Variants in NIT2 observed in about 807,000 individuals in gnomAD.
NIT2 encodes omega-amidase NIT2.
A neutral mutation model predicts 42.7 loss-of-function variants in NIT2; 46 were observed. That is an observed-to-expected ratio of 1.08 (90% CI 0.85 to 1.38). The LOEUF (loss-of-function observed/expected upper bound fraction) is 1.38, where lower values mean the gene tolerates loss of function less well. NIT2 is among the 40% of genes most tolerant of loss of function. NIT2 has a pLI of 0.00. For missense variants in NIT2, 309 were observed against 342.5 expected (o/e 0.90, Z 0.77); for synonymous variants, 123 against 121.9 (o/e 1.01, Z -0.06).
Position 100,361,499 on chromosome 3 carries a change from C to G in NIT2, c.*6231C>G, listed in dbSNP as rs908109173. 2.6e-5 allele frequency: 4 copies of G among 152,344 alleles called. No homozygotes were observed. The highest frequency in any genetic ancestry group is 2.0e-4 in the Admixed American group (3 of 15,278). The allele number at this position is 152,344 out of a possible 1,614,324, so 9.4% of individuals were successfully genotyped here. A position where few individuals can be genotyped will look rare whatever the true frequency, so the allele number is the denominator to read the frequency against. On this transcript the variant is annotated 3_prime_UTR_variant, in exon 10 of 10. Transcript: ENST00000394140. ...TCAGCTTCCTCCCCTTGGCCAGGTA[C>G]CACAGCTACTTCTATCCCAGTGATC...
chr3:100,339,950 A>G lies in NIT2; in HGVS notation c.247+15A>G, dbSNP rs201946192. The G allele has an allele frequency of 3.9e-4, 630 of 1,608,720 alleles. No homozygotes were observed. The African/African-American group carries it at 7.4e-3, about 19-fold the overall frequency. On this transcript the variant is annotated intron_variant, in intron 3 of 9. Transcript: ENST00000394140. ...TCTCATTGGAGGTAACTTCCTACCC[A>G]CAAGGTATAATGACCTAAACATTAG... is the stretch of plus-strand genomic sequence containing the variant.
Position 100,358,902 on chromosome 3 carries a change from C to T in NIT2, c.*3634C>T, listed in dbSNP as rs1316971449. The T allele has an allele frequency of 1.3e-5, 2 of 152,180 alleles. No homozygotes were observed. The highest frequency in any genetic ancestry group is 2.9e-5 in the Non-Finnish European group (2 of 68,046). The allele number at this position is 152,180 out of a possible 1,614,324, so 9.4% of individuals were successfully genotyped here. A position where few individuals can be genotyped will look rare whatever the true frequency, so the allele number is the denominator to read the frequency against. ...TGTAAGTTTTGGTGGTGCGTGGGTACAATGAAGCCAGGAGGGATAGAAAGG... is the reference window on the plus strand; with the variant it reads ...TGTAAGTTTTGGTGGTGCGTGGGTATAATGAAGCCAGGAGGGATAGAAAGG... On this transcript the variant is annotated 3_prime_UTR_variant, in exon 10 of 10. Coordinates refer to ENST00000394140, the MANE Select transcript of NIT2 (RefSeq NM_020202.5).
At position 100,353,191 on chromosome 3, in the gene NIT2, G is replaced by A. The variant is rs78123162; in HGVS notation, c.683+689G>A. Among the ~76,000 whole-genome samples, 947 of 152,282 alleles carry A rather than the reference G, an allele frequency of 6.2e-3. 8 individuals are homozygous for A. The highest frequency in any genetic ancestry group is 0.021 in the African/African-American group (878 of 41,568). ...AAGCGACTGGAATTCCAGATGTAGC[G>A]GCTAGACCCAGTGTTTGAATCCAGG... On this transcript the variant is annotated intron_variant, in intron 8 of 9. Coordinates refer to ENST00000394140, the MANE Select transcript of NIT2 (RefSeq NM_020202.5).
intron 2 of NIT2, 127 bp from the exon 3 acceptor site, chr3:100,339,688 T>A: frequency 1.1e-6 from 1 of 870,376 alleles, no homozygotes; most frequent in Non-Finnish European, 1.8e-6. Flanking sequence ...AGTGTTTTTC[T>A]TATTAGCTGT....
chr3:100,345,253 C>A (rs1319101331), intron 4 of NIT2, among the ~76,000 whole-genome samples: 1 of 152,180 alleles, frequency 6.6e-6, no homozygotes, highest in East Asian at 1.9e-4. Context: ...GCCACCGTGT[C>A]CGGCCTGATT....
chr3:100,338,415 G>T (rs1270549905), intron 1 of NIT2, among the ~76,000 whole-genome samples: 1 of 152,216 alleles, frequency 6.6e-6, no homozygotes, highest in Non-Finnish European at 1.5e-5. Flanking sequence ...TTTTAGAGGT[G>T]CCTGGGACCC....
At chr3:100,346,934 C>T (rs1230142779) in intron 6 of NIT2, among the ~76,000 whole-genome samples, 1 of 151,896 alleles carries the variant, frequency 6.6e-6, no homozygotes, top group African/African-American at 2.4e-5. Flanking sequence ...GGTGGAGGTG[C>T]ATGGGCTCTG....
At chr3:100,344,265 G>A (rs1191948054) in intron 4 of NIT2, among the ~76,000 whole-genome samples, 4 of 152,186 alleles carry the variant, frequency 2.6e-5, no homozygotes, top group Non-Finnish European at 1.5e-5. Context: ...AGTTCACCCA[G>A]GGCTGTTCCC....
intron 1 of NIT2, 134 bp downstream of exon 1, chr3:100,334,932 G>A: frequency 1.2e-6 from 1 of 869,270 alleles, no homozygotes; most frequent in East Asian, 4.2e-5. Context: ...CCTGAGGCGG[G>A]CGTCCGCGTG....
intron 7 of NIT2, among the ~76,000 whole-genome samples, chr3:100,350,364 A>C (rs969720428): frequency 2.6e-5 from 4 of 152,094 alleles, no homozygotes; most frequent in Admixed American, 6.6e-5. Context: ...TGCGAGCTGC[A>C]ATTTTTGTTC....
At position 100,346,377 on chromosome 3, in the gene NIT2, C is replaced by T. The variant is rs148165953; in HGVS notation, c.505+122C>T. ...CTCTTTAATTTCTCCATCTTCAGCC[C>T]TTTCACCCCCATGAGGCTTCCCAGA... On this transcript the variant is annotated intron_variant, in intron 6 of 9. Coordinates refer to ENST00000394140, the MANE Select transcript of NIT2 (RefSeq NM_020202.5). The T allele has an allele frequency of 5.2e-3, 4,266 of 819,374 alleles. 19 individuals carry two copies. The highest frequency in any genetic ancestry group is 8.0e-3 in the Middle Eastern group (23 of 2,866). The allele number at this position is 819,374 out of a possible 1,614,324, so 50.8% of individuals were successfully genotyped here.
chr3:100,339,785 CTTTT>C, intron 2 of NIT2, 26 bp from the exon 3 acceptor site: 1 of 1,574,160 alleles, frequency 6.4e-7, no homozygotes, highest in Admixed American at 1.8e-5. Flanking sequence ...GTGTTTTGAT[CTTTT>C]TTTTTCTCTG....
At chr3:100,335,050 C>T (rs1466873135) in intron 1 of NIT2, 2 of 512,362 alleles carry the variant, frequency 3.9e-6, no homozygotes, top group South Asian at 1.6e-5. Flanking sequence ...GCGCCGGCAC[C>T]CGCCGCGTCC....
intron 4 of NIT2, among the ~76,000 whole-genome samples, chr3:100,343,852 CT>C (rs1706181917): frequency 6.6e-6 from 1 of 152,184 alleles, no homozygotes. Context: ...TGAGTATCTA[CT>C]AATTTAAGAT....
intron 5 of NIT2, 102 bp from the exon 6 acceptor site, chr3:100,346,079 C>T: frequency 4.6e-6 from 4 of 861,038 alleles, no homozygotes; most frequent in South Asian, 1.5e-5. Flanking sequence ...TTAATTTATC[C>T]CTGTCAGTGT....
intron 4 of NIT2, among the ~76,000 whole-genome samples, chr3:100,342,338 T>C (rs377414310): frequency 1.3e-5 from 2 of 152,322 alleles, no homozygotes; most frequent in South Asian, 2.1e-4. Flanking sequence ...TCTGTGTCTT[T>C]TAATTGAAGT....
chr3:100,347,515 G>A (rs1706229378), intron 6 of NIT2, among the ~76,000 whole-genome samples: 1 of 151,604 alleles, frequency 6.6e-6, no homozygotes, highest in South Asian at 2.1e-4. Context: ...CTGAAGCCTT[G>A]GTCTCCTGGA....
intron 8 of NIT2, 144 bp downstream of exon 8, chr3:100,352,646 T>C: frequency 1.7e-6 from 1 of 571,858 alleles, no homozygotes; most frequent in Non-Finnish European, 3.2e-6. Context: ...GCTTTCTGCC[T>C]GTCTCTGTGA....
chr3:100,339,033 T>C, intron 1 of NIT2, 54 bp from the exon 2 acceptor site: 1 of 1,244,822 alleles, frequency 8.0e-7, no homozygotes, highest in Non-Finnish European at 1.2e-6. Context: ...TGGCTCTGTC[T>C]GAATCCAGCA....
Sources: gnomAD v4.1 joint callset for allele counts (sites outside exome capture counted in the v4.1 genomes callset) on GRCh38, gnomAD v4.1.1 for gene constraint, MANE v1.5 for transcripts, NCBI Gene and HGNC (gene_info 2026-07-23, HGNC 2026-07-21) for gene names.